ANKRD62: variants seen among roughly 807,000 people sequenced by gnomAD.
The protein encoded by ANKRD62 is ankyrin repeat domain 62.
ANKRD62 carries 61 observed loss-of-function variants against 98.8 expected under a neutral mutation model. That is an observed-to-expected ratio of 0.62 (90% CI 0.50 to 0.76). The LOEUF (loss-of-function observed/expected upper bound fraction) is 0.76. Ranked by LOEUF, ANKRD62 falls within the 30% of genes least tolerant of loss-of-function variation. The pLI is 0.00. For synonymous variants in ANKRD62, 341 were observed against 367.9 expected (o/e 0.93, Z 0.84); for missense variants, 933 against 1,082.9 (o/e 0.86, Z 1.94).
At chr18:12,158,726 G>T in the ANKRD62 span, among the ~76,000 whole-genome samples, 3 of 148,144 alleles carry the variant, frequency 2.0e-5, no homozygotes, top group Non-Finnish European at 4.5e-5. Flanking sequence ...AGTAGAGATG[G>T]GGTTTCACCG....
At chr18:12,118,529 A>T (rs540371264) in intron 10 of ANKRD62, among the ~76,000 whole-genome samples, 1 of 151,694 alleles carries the variant, frequency 6.6e-6, no homozygotes, top group South Asian at 2.1e-4. Context: ...GAATCGCTTG[A>T]AGCTGGGAGG....
chr18:12,107,459 G>A lies in ANKRD62; in HGVS notation c.1056G>A (p.Glu352=). 1.3e-6 allele frequency: 2 copies of A among 1,500,620 alleles called. No homozygotes were observed. Among genetic ancestry groups the A allele is most frequent in the Non-Finnish European group, 1.8e-6 (2 of 1,130,228 alleles). 93.0% of individuals were successfully genotyped at this position (1,500,620 alleles called of 1,614,324 possible). The stretch of plus-strand genomic sequence containing the variant: ...AATCTCCTGGGAAGGAGAATGGCGA[G>A]TTTGATAGGTAATCCTGTAGCGATA... The part of the protein sequence containing the change: ...NHQSPGKENG[E]FDRLARKTSN... Residue 352 remains glutamate (E), a synonymous_variant, in exon 8 of 14, where the codon GAG becomes GAA. Transcript: ENST00000587848.
At chr18:12,140,242 A>T in the ANKRD62 span, among the ~76,000 whole-genome samples, 46,944 of 151,922 alleles carry the variant, frequency 0.31, 7,921 homozygotes, top group Middle Eastern at 0.4. Flanking sequence ...CTAGTTATCC[A>T]TTCATCTAAT....
chr18:12,103,163 G>C lies in ANKRD62; in HGVS notation c.826G>C (p.Asp276His). 1 of 1,384,810 alleles carries C rather than the reference G, an allele frequency of 7.2e-7. No individual in the cohort carries two copies. Among genetic ancestry groups the C allele is most frequent in the East Asian group, 2.8e-5 (1 of 36,052 alleles). The allele number at this position is 1,384,810 out of a possible 1,614,324, so 85.8% of individuals were successfully genotyped here. A position where few individuals can be genotyped will look rare whatever the true frequency, so the allele number is the denominator to read the frequency against. Reference sequence around the variant, plus strand: ...ATATATGGATTTGTGAGCAGAACAAGACTTAGAAATGACATCAGAGGGAGA... The same window carrying C: ...ATATATGGATTTGTGAGCAGAACAACACTTAGAAATGACATCAGAGGGAGA... ...KSLQNSNSEQ[D>H]LEMTSEGEQE... Residue 276 changes from aspartate to histidine, a missense_variant, in exon 7 of 14, where the codon GAC becomes CAC. By Grantham distance (81) the Asp-to-His change is moderately conservative. Around this residue, in one of 3 missense-constraint regions of ANKRD62, gnomAD observed 549 missense variants for 587.9 expected, o/e 0.93. Coordinates refer to ENST00000587848, the MANE Select transcript of ANKRD62 (RefSeq NM_001277333.2).
chr18:12,174,190 C>T, the ANKRD62 span, among the ~76,000 whole-genome samples: 2 of 151,958 alleles, frequency 1.3e-5, no homozygotes, highest in Non-Finnish European at 2.9e-5. Context: ...TTGTTCATTC[C>T]TTTTTATTCT....
the ANKRD62 span, among the ~76,000 whole-genome samples, chr18:12,179,670 A>C: frequency 1.3e-5 from 2 of 151,134 alleles, no homozygotes; most frequent in Admixed American, 6.6e-5. Flanking sequence ...AGAAATGTCG[A>C]CCAGATTGTA....
Position 12,115,088 on chromosome 18 carries a change from G to A in ANKRD62, c.1065G>A (p.Arg355=). ...SPGKENGEFD[R]LARKTSNEKS... ...TGGAATTTTTTGGTTTTTTTTTTAG[G>A]CTTGCAAGGAAAACCTCTAATGAAA... Residue 355 remains arginine, a splice_region_variant and synonymous_variant, in exon 9 of 14, where the codon AGG becomes AGA. Coordinates refer to ENST00000587848, the MANE Select transcript of ANKRD62 (RefSeq NM_001277333.2). The A allele has an allele frequency of 7.2e-7, 1 of 1,386,616 alleles. No individual in the cohort carries two copies. The highest frequency in any genetic ancestry group is 9.3e-7 in the Non-Finnish European group (1 of 1,076,536). The allele number at this position is 1,386,616 out of a possible 1,614,324, so 85.9% of individuals were successfully genotyped here.
chr18:12,137,096 T>C, the ANKRD62 span, among the ~76,000 whole-genome samples: 1 of 151,988 alleles, frequency 6.6e-6, no homozygotes, highest in Non-Finnish European at 1.5e-5. Context: ...TGAATAGGAG[T>C]GGTAAGAGAG....
Position 12,115,315 on chromosome 18 carries a change from T to C in ANKRD62, c.1099-78T>C, listed in dbSNP as rs1446304022. 9 of 1,347,118 alleles carry C rather than the reference T, an allele frequency of 6.7e-6. No individual in the cohort carries two copies. In the Middle Eastern group the frequency reaches 9.5e-4, roughly 142 times the overall value. 83.4% of individuals were successfully genotyped at this position (1,347,118 alleles called of 1,614,324 possible). ...GTTTTTGCTCATGTAAAAAGACGGA[T>C]AATTCCCACTGGTGTATATTTAGTA... On this transcript the variant is annotated intron_variant, in intron 9 of 13. Transcript: ENST00000587848.
chr18:12,158,184 A>C, the ANKRD62 span, among the ~76,000 whole-genome samples: 3 of 152,226 alleles, frequency 2.0e-5, no homozygotes, highest in African/African-American at 7.2e-5. Context: ...CTCTCCTGCC[A>C]GAGGAACGTG....
chr18:12,145,654 C>G, the ANKRD62 span, among the ~76,000 whole-genome samples: 9 of 152,208 alleles, frequency 5.9e-5, no homozygotes, highest in Non-Finnish European at 1.3e-4. Context: ...TGGTCTCCAG[C>G]TAACACAGAT....
At chr18:12,170,727 G>A in the ANKRD62 span, among the ~76,000 whole-genome samples, 1 of 152,164 alleles carries the variant, frequency 6.6e-6, no homozygotes, top group Non-Finnish European at 1.5e-5. Flanking sequence ...GTTGACAGTG[G>A]TGTGTTAAAG....
intron 5 of ANKRD62, 72 bp downstream of exon 5, chr18:12,097,849 C>G (rs1909215037): frequency 2.0e-6 from 3 of 1,481,932 alleles, no homozygotes; most frequent in Non-Finnish European, 2.7e-6. Flanking sequence ...TCTTATATAT[C>G]AAGTGAGATT....
At position 12,107,541 on chromosome 18, in the gene ANKRD62, A is replaced by G. The variant is rs1039697784; in HGVS notation, c.1064+74A>G. ...AAAATGAATTCTAATTTGGGTTAAT[A>G]TGTACGATTAACAAATTTTATACTT... On this transcript the variant is annotated intron_variant, in intron 8 of 13. Coordinates refer to ENST00000587848, the MANE Select transcript of ANKRD62 (RefSeq NM_001277333.2). The G allele has an allele frequency of 6.1e-6, 7 of 1,149,760 alleles. No homozygotes were observed. In the Admixed American group the frequency reaches 2.0e-4, roughly 33 times the overall value. 71.2% of individuals were successfully genotyped at this position (1,149,760 alleles called of 1,614,324 possible).
chr18:12,181,636 C>G, the ANKRD62 span, among the ~76,000 whole-genome samples: 4 of 152,062 alleles, frequency 2.6e-5, no homozygotes, highest in African/African-American at 9.7e-5. Flanking sequence ...GTTTGTTTCT[C>G]TGGGGGAGAA....
chr18:12,171,025 G>T, the ANKRD62 span, among the ~76,000 whole-genome samples: 1 of 145,832 alleles, frequency 6.9e-6, no homozygotes, highest in East Asian at 2.2e-4. Flanking sequence ...TTGAGCGTAT[G>T]TGTGTCTCTG....
the ANKRD62 span, among the ~76,000 whole-genome samples, chr18:12,158,804 G>C: frequency 5.9e-5 from 9 of 152,042 alleles, no homozygotes. Flanking sequence ...AAAGTGCTGG[G>C]ATTACAGGCG....
the ANKRD62 span, among the ~76,000 whole-genome samples, chr18:12,175,384 T>C: frequency 5.1e-4 from 76 of 148,672 alleles, no homozygotes; most frequent in Non-Finnish European, 7.5e-4. Flanking sequence ...GGAGGGCGGC[T>C]GACTGCACTC....
intron 7 of ANKRD62, 106 bp downstream of exon 7, chr18:12,103,334 T>C: frequency 1.7e-6 from 1 of 575,622 alleles, no homozygotes; most frequent in Non-Finnish European, 2.6e-6. Flanking sequence ...GAATGTAATT[T>C]AATAGTTAAT....
Sources: gnomAD v4.1 joint callset for allele counts (sites outside exome capture counted in the v4.1 genomes callset) on GRCh38, gnomAD v4.1.1 for gene constraint, gnomAD v4.1.1 regional missense constraint, MANE v1.5 for transcripts, NCBI Gene and HGNC (gene_info 2026-07-23, HGNC 2026-07-21) for gene names.